The following LARGE1 variants were observed in gnomAD, a reference collection of about 807,000 sequenced individuals.
LARGE1 encodes the protein LARGE xylosyl- and glucuronyltransferase 1, also known as xylosyl- and glucuronyltransferase LARGE1.
LARGE1 carries 43 observed loss-of-function variants against 87.6 expected under a neutral mutation model. The observed-to-expected ratio is 0.49, with a 90% CI of 0.38 to 0.63. The LOEUF is 0.63. Among genes scored for constraint, LARGE1 ranks in the 30% least tolerant of loss-of-function variants. The pLI is 0.00. For missense variants in LARGE1, 802 were observed against 1,000.2 expected, an observed-to-expected ratio of 0.80 and a Z score of 2.67; for synonymous variants, 434 against 394.6, an observed-to-expected ratio of 1.10 and a Z score of -1.18.
intron 1 of LARGE1, among the ~76,000 whole-genome samples, chr22:33,834,016 G>C (rs1041014685): frequency 6.6e-6 from 1 of 152,118 alleles, no homozygotes; most frequent in Non-Finnish European, 1.5e-5. Flanking sequence ...CAGAACACTG[G>C]AATTCGGGGA....
the LARGE1 span, among the ~76,000 whole-genome samples, chr22:33,089,391 T>TCCTTCTTCTTCTTCTTCC: frequency 7.3e-6 from 1 of 136,298 alleles, no homozygotes. Context: ...CTTCTTCCTC[T>TCCTTCTTCTTCTTCTTCC]TCTTCTTCTT....
At chr22:33,471,842 G>A (rs371868469) in intron 6 of LARGE1, among the ~76,000 whole-genome samples, 6 of 152,208 alleles carry the variant, frequency 3.9e-5, no homozygotes, top group African/African-American at 1.2e-4. Flanking sequence ...AGACCAGCCT[G>A]GCCAAGAGAC....
chr22:33,832,497 G>C (rs113391751), intron 1 of LARGE1, among the ~76,000 whole-genome samples: 4,049 of 152,244 alleles, frequency 0.027, 173 homozygotes, highest in African/African-American at 0.091. Flanking sequence ...CAGTGACCAA[G>C]GGAGCCTGGA....
chr22:33,397,464 T>C (rs1020673163), intron 7 of LARGE1, among the ~76,000 whole-genome samples: 1 of 152,230 alleles, frequency 6.6e-6, no homozygotes, highest in African/African-American at 2.4e-5. Context: ...TTCTGAGCTT[T>C]ATATGCTTTG....
chr22:33,360,178 T>C (rs946898479), intron 9 of LARGE1, among the ~76,000 whole-genome samples: 2 of 149,238 alleles, frequency 1.3e-5, no homozygotes, highest in Non-Finnish European at 3.0e-5. Flanking sequence ...CCAGGCGTAG[T>C]GACGTGTGCC....
chr22:33,858,850 A>T (rs1433072745), intron 1 of LARGE1, among the ~76,000 whole-genome samples: 5 of 152,254 alleles, frequency 3.3e-5, no homozygotes, highest in African/African-American at 1.2e-4. Context: ...ACCACGGAAT[A>T]CTATGCAGCC....
intron 11 of LARGE1, among the ~76,000 whole-genome samples, chr22:33,308,792 A>G (rs1935228358): frequency 6.6e-6 from 1 of 152,152 alleles, no homozygotes; most frequent in Non-Finnish European, 1.5e-5. Flanking sequence ...CCAAAGAATC[A>G]CAAGCTCATT....
the LARGE1 span, chr22:33,109,292 T>G: frequency 1.3e-5 from 2 of 151,502 alleles, no homozygotes; most frequent in African/African-American, 4.9e-5. Flanking sequence ...TAACTCTGTT[T>G]CAAGGACTTT....
intron 2 of LARGE1, among the ~76,000 whole-genome samples, chr22:33,739,703 G>A (rs2083803352): frequency 6.6e-6 from 1 of 152,176 alleles, no homozygotes; most frequent in South Asian, 2.1e-4. Flanking sequence ...TGAGCTCAGT[G>A]GGGCAGCCTG....
At position 33,807,633 on chromosome 22, in the gene LARGE1, C is replaced by T. The variant is rs546689117; in HGVS notation, c.-82-46075G>A. On this transcript the variant is annotated intron_variant, in intron 1 of 14. Coordinates refer to ENST00000397394, the MANE Select transcript of LARGE1 (RefSeq NM_133642.5). Reference sequence around the variant, plus strand: ...CATATCATACAGAGTAGTTTTACTGCGCTAAAAATAGTCTGAGCTCTGCTG... The same window carrying T: ...CATATCATACAGAGTAGTTTTACTGTGCTAAAAATAGTCTGAGCTCTGCTG... Among the ~76,000 whole-genome samples the T allele has an allele frequency of 1.6e-4, 24 of 152,264 alleles. No individual in the cohort carries two copies. The South Asian group carries it at 2.1e-3, about 13-fold the overall frequency.
At chr22:33,309,604 T>TC (rs1935338774) in intron 11 of LARGE1, among the ~76,000 whole-genome samples, 1 of 152,226 alleles carries the variant, frequency 6.6e-6, no homozygotes, top group Non-Finnish European at 1.5e-5. Context: ...ATCTTGGACT[T>TC]CCAGCCTCCA....
intron 5 of LARGE1, among the ~76,000 whole-genome samples, chr22:33,600,241 AT>A (rs1178627936): frequency 2.0e-5 from 3 of 152,312 alleles, no homozygotes; most frequent in African/African-American, 7.2e-5. Context: ...TAAGCCAGTC[AT>A]TTAGCAAGCA....
chr22:33,874,831 A>G (rs1200601629), intron 1 of LARGE1, among the ~76,000 whole-genome samples: 1 of 152,228 alleles, frequency 6.6e-6, no homozygotes, highest in Non-Finnish European at 1.5e-5. Flanking sequence ...CCAACATTAT[A>G]TACATGTGTA....
At chr22:33,083,229 G>A in the LARGE1 span, among the ~76,000 whole-genome samples, 1 of 152,260 alleles carries the variant, frequency 6.6e-6, no homozygotes, top group South Asian at 2.1e-4. Flanking sequence ...GTCAATGTGA[G>A]TCTCAAGTCT....
chr22:33,096,939 G>T, the LARGE1 span, among the ~76,000 whole-genome samples: 1 of 152,226 alleles, frequency 6.6e-6, no homozygotes, highest in East Asian at 1.9e-4. Context: ...GTTCTTTACT[G>T]CAGAGGATTG....
intron 11 of LARGE1, among the ~76,000 whole-genome samples, chr22:33,179,678 C>G (rs1602053325): frequency 6.6e-6 from 1 of 152,246 alleles, no homozygotes; most frequent in East Asian, 1.9e-4. Flanking sequence ...TATTTAAGTA[C>G]TTTGGGAGTT....
At chr22:33,831,405 A>G (rs755988158) in intron 1 of LARGE1, among the ~76,000 whole-genome samples, 2 of 152,162 alleles carry the variant, frequency 1.3e-5, no homozygotes, top group Non-Finnish European at 2.9e-5. Context: ...CACTCTGAAG[A>G]CAGGAAGCCA....
chr22:33,732,824 C>T (rs1230068854), intron 2 of LARGE1: 2 of 152,240 alleles, frequency 1.3e-5, no homozygotes, highest in East Asian at 3.9e-4. Flanking sequence ...AGCCGTTCAC[C>T]TCGGCCCTTT....
intron 2 of LARGE1, among the ~76,000 whole-genome samples, chr22:33,671,954 T>C (rs1346003563): frequency 3.3e-5 from 5 of 152,222 alleles, no homozygotes; most frequent in African/African-American, 1.2e-4. Context: ...TACATGAAGA[T>C]GTTTTACCTT....
Sources: allele counts gnomAD v4.1 joint callset (sites outside exome capture counted in the v4.1 genomes callset), GRCh38; gene constraint gnomAD v4.1.1; transcripts MANE v1.5; gene names NCBI Gene and HGNC (gene_info 2026-07-23, HGNC 2026-07-21).